Variants in GALNT13 observed in about 807,000 individuals in gnomAD.
GALNT13 encodes the protein polypeptide N-acetylgalactosaminyltransferase 13, also known as UDP-GalNAc:polypeptide N-acetylgalactosaminyltransferase 13.
Under a neutral mutation model 64.2 loss-of-function variants are expected in GALNT13, and 28 were observed. That is an observed-to-expected ratio of 0.44 (90% CI 0.32 to 0.60). GALNT13 has a LOEUF of 0.60. Ranked by LOEUF, GALNT13 falls within the 20% of genes least tolerant of loss-of-function variation. The probability of loss-of-function intolerance (pLI) is 0.05; values close to 1 mark genes in which losing one functional copy is unlikely to be tolerated. For missense variants in GALNT13, 577 were observed against 669.8 expected (o/e 0.86, Z 1.53); for synonymous variants, 214 against 224.6 (o/e 0.95, Z 0.42).
upstream of GALNT13, among the ~76,000 whole-genome samples, chr2:153,869,563 A>C (rs1248670974): frequency 6.6e-6 from 1 of 152,138 alleles, no homozygotes; most frequent in Non-Finnish European, 1.5e-5. Context: ...GGAATCCTAA[A>C]TCAATAATGT....
chr2:154,419,470 A>C (rs911833490), intron 11 of GALNT13, among the ~76,000 whole-genome samples: 2 of 152,126 alleles, frequency 1.3e-5, no homozygotes, highest in Non-Finnish European at 2.9e-5. Context: ...TTTGATTGTT[A>C]ACATCTACCA....
chr2:153,793,080 T>A, the GALNT13 span, among the ~76,000 whole-genome samples: 1 of 151,684 alleles, frequency 6.6e-6, no homozygotes, highest in Non-Finnish European at 1.5e-5. Flanking sequence ...CAAGTGATTG[T>A]CCTGCCTCAG....
At chr2:153,672,768 G>T in the GALNT13 span, among the ~76,000 whole-genome samples, 6 of 128,234 alleles carry the variant, frequency 4.7e-5, no homozygotes, top group Admixed American at 7.5e-5. Flanking sequence ...AATCCAGGAG[G>T]TGTTTTTTTT....
chr2:154,367,073 T>A lies in GALNT13; in HGVS notation c.1157-28918T>A, dbSNP rs183427852. Among the ~76,000 whole-genome samples, 312 of 152,040 alleles carry A rather than the reference T, an allele frequency of 2.1e-3. No homozygotes were observed. In the Middle Eastern group the frequency reaches 0.024, roughly 12 times the overall value. On this transcript the variant is annotated intron_variant, in intron 9 of 12. Coordinates refer to ENST00000392825, the MANE Select transcript of GALNT13 (RefSeq NM_052917.4). ...ATTTTAGTTAAATAAACTCCTTTTT[T>A]AAAAAAAAATTGAAATTATATAACA...
the GALNT13 span, among the ~76,000 whole-genome samples, chr2:153,310,079 T>C: frequency 6.6e-6 from 1 of 152,226 alleles, no homozygotes; most frequent in Non-Finnish European, 1.5e-5. Context: ...TTTAAAAACC[T>C]ATAGGTAAGT....
the GALNT13 span, among the ~76,000 whole-genome samples, chr2:153,136,791 G>A: frequency 6.6e-6 from 1 of 151,476 alleles, no homozygotes; most frequent in East Asian, 1.9e-4. Flanking sequence ...GGGAGGATGT[G>A]TGGGTTATTT....
chr2:153,553,030 G>A, the GALNT13 span, among the ~76,000 whole-genome samples: 2 of 152,128 alleles, frequency 1.3e-5, no homozygotes, highest in Non-Finnish European at 2.9e-5. Flanking sequence ...GTGGCTGGTG[G>A]GTTGGGGACC....
intron 4 of GALNT13, among the ~76,000 whole-genome samples, chr2:154,144,599 T>C (rs1269450667): frequency 6.6e-6 from 1 of 152,150 alleles, no homozygotes; most frequent in Non-Finnish European, 1.5e-5. Context: ...AATCATATTT[T>C]ACTGCGTTAT....
chr2:153,684,063 C>T, the GALNT13 span, among the ~76,000 whole-genome samples: 1 of 91,780 alleles, frequency 1.1e-5, no homozygotes, highest in East Asian at 2.2e-4. Flanking sequence ...ATTTCCTCTT[C>T]ATAATAATAT....
chr2:154,433,129 C>T (rs1700781925), intron 11 of GALNT13, among the ~76,000 whole-genome samples: 1 of 152,140 alleles, frequency 6.6e-6, no homozygotes. Context: ...GCAAATTATG[C>T]AGGATGCCAG....
intron 12 of GALNT13, chr2:154,445,945 T>A: frequency 1.9e-6 from 1 of 538,114 alleles, no homozygotes; most frequent in Non-Finnish European, 3.2e-6. Context: ...ATTAAAATTG[T>A]TTGGAGAATT....
At position 154,245,804 on chromosome 2, in the gene GALNT13, C is replaced by A. The variant is rs1351103815; in HGVS notation, c.687-8C>A. ...TGTGTCTATAAATTGGTTTTAATTTCTCTGCAGGAAAACGGTTGTCTGCCC... is the reference window on the plus strand; with the variant it reads ...TGTGTCTATAAATTGGTTTTAATTTATCTGCAGGAAAACGGTTGTCTGCCC... On this transcript the variant is annotated splice_region_variant and splice_polypyrimidine_tract_variant and intron_variant, in intron 6 of 12. Coordinates refer to ENST00000392825, the MANE Select transcript of GALNT13 (RefSeq NM_052917.4). 1 of 1,573,054 alleles carries A rather than the reference C, an allele frequency of 6.4e-7. No individual in the cohort carries two copies. Among genetic ancestry groups the A allele is most frequent in the East Asian group, 2.3e-5 (1 of 44,060 alleles).
At chr2:154,367,706 T>C (rs1697449523) in intron 9 of GALNT13, among the ~76,000 whole-genome samples, 2 of 152,156 alleles carry the variant, frequency 1.3e-5, no homozygotes, top group African/African-American at 4.8e-5. Flanking sequence ...TAGAAGCTAT[T>C]CTTATAATGT....
Position 154,334,100 on chromosome 2 carries a change from A to G in GALNT13, c.1156+32511A>G, listed in dbSNP as rs1323011023. ...CTTTTTTTCTCTTCTCTTTTATATG[A>G]TGTTAAAACATTCCATTCTATCTCC... On this transcript the variant is annotated intron_variant, in intron 9 of 12. Transcript: ENST00000392825. 2.6e-5 allele frequency among the ~76,000 whole-genome samples: 4 copies of G among 151,418 alleles called. No individual in the cohort carries two copies. In the East Asian group the frequency reaches 7.9e-4, roughly 30 times the overall value.
At chr2:153,952,517 G>T (rs1014600127) in intron 3 of GALNT13, among the ~76,000 whole-genome samples, 2 of 152,110 alleles carry the variant, frequency 1.3e-5, no homozygotes, top group Admixed American at 1.3e-4. Flanking sequence ...ATGAGAAATG[G>T]TCATGCAGAG....
chr2:154,275,164 T>A (rs1036902473), intron 8 of GALNT13, among the ~76,000 whole-genome samples: 2 of 152,046 alleles, frequency 1.3e-5, no homozygotes, highest in Admixed American at 1.3e-4. Flanking sequence ...AGCCTGTTGA[T>A]GCAATAGAAA....
the GALNT13 span, among the ~76,000 whole-genome samples, chr2:153,424,699 G>T: frequency 6.6e-6 from 1 of 151,852 alleles, no homozygotes; most frequent in African/African-American, 2.4e-5. Flanking sequence ...TGGTAGAGTA[G>T]TTTGGAAGAA....
intron 3 of GALNT13, among the ~76,000 whole-genome samples, chr2:153,974,128 CT>C (rs1463089412): frequency 1.3e-5 from 2 of 152,060 alleles, no homozygotes; most frequent in Non-Finnish European, 2.9e-5. Context: ...GCAGATAAAT[CT>C]TCCTGAAACA....
At chr2:154,418,302 G>T (rs1700108470) in intron 11 of GALNT13, among the ~76,000 whole-genome samples, 2 of 152,230 alleles carry the variant, frequency 1.3e-5, no homozygotes, top group Non-Finnish European at 1.5e-5. Flanking sequence ...AATATCAAAA[G>T]ATACCCATGT....
Sources: gnomAD v4.1 joint callset for allele counts (sites outside exome capture counted in the v4.1 genomes callset) on GRCh38, gnomAD v4.1.1 for gene constraint, MANE v1.5 for transcripts, NCBI Gene and HGNC (gene_info 2026-07-23, HGNC 2026-07-21) for gene names.